The following ARID1B variants were observed in gnomAD, a reference collection of about 807,000 sequenced individuals.
ARID1B encodes the protein AT-rich interaction domain 1B, also known as AT-rich interactive domain-containing protein 1B.
In ARID1B, 30 loss-of-function variants were observed where a neutral mutation model predicts 212.3. That is an observed-to-expected ratio of 0.14 (90% confidence interval 0.11 to 0.19). ARID1B has a LOEUF of 0.19. Ranked by LOEUF, ARID1B falls within the 10% of genes least tolerant of loss-of-function variation. The pLI, the probability that ARID1B is intolerant of heterozygous loss-of-function variation, is 1.00. For missense variants in ARID1B, 2,891 were observed against 3,204.0 expected (o/e 0.90, Z 2.36); for synonymous variants, 1,402 against 1,301.7 (o/e 1.08, Z -1.66).
intron 6 of ARID1B, among the ~76,000 whole-genome samples, chr6:157,112,015 C>A (rs1786961828): frequency 6.6e-6 from 1 of 152,092 alleles, no homozygotes; most frequent in African/African-American, 2.4e-5. Context: ...CCTTGAGAAC[C>A]ACTGCCTTCT....
intron 2 of ARID1B, among the ~76,000 whole-genome samples, chr6:156,895,552 G>A (rs1188736329): frequency 6.6e-6 from 1 of 152,190 alleles, no homozygotes; most frequent in Non-Finnish European, 1.5e-5. Context: ...GTCCCCTCCT[G>A]CCTTGTGTGG....
intron 1 of ARID1B, 141 bp from the exon 2 acceptor site, chr6:156,829,086 A>T: frequency 3.1e-6 from 2 of 654,248 alleles, no homozygotes; most frequent in Non-Finnish European, 5.0e-6. Flanking sequence ...GTCTTGCTGG[A>T]TGTTTTGTCA....
intron 1 of ARID1B, among the ~76,000 whole-genome samples, chr6:156,800,876 T>TA (rs1780732286): frequency 1.3e-5 from 2 of 152,022 alleles, no homozygotes; most frequent in African/African-American, 4.8e-5. Context: ...GCCTGGGAGA[T>TA]AGAGAAAGAC....
chr6:157,043,356 G>A (rs753947653), intron 4 of ARID1B, among the ~76,000 whole-genome samples: 3 of 151,910 alleles, frequency 2.0e-5, no homozygotes, highest in Non-Finnish European at 2.9e-5. Context: ...CGGCATGGGC[G>A]CCTTCTGAGC....
chr6:156,973,526 A>G (rs1008286242), intron 4 of ARID1B, among the ~76,000 whole-genome samples: 2 of 152,232 alleles, frequency 1.3e-5, no homozygotes, highest in African/African-American at 2.4e-5. Context: ...CTGCTATGCA[A>G]TGAAAAACAT....
At position 157,084,564 on chromosome 6, in the gene ARID1B, C is replaced by T. The variant is rs1011203905; in HGVS notation, c.2248-98C>T. 2.8e-6 allele frequency: 4 copies of T among 1,451,846 alleles called. No homozygotes were observed. The African/African-American group carries it at 5.7e-5, about 21-fold the overall frequency. The allele number at this position is 1,451,846 out of a possible 1,614,324, so 89.9% of individuals were successfully genotyped here. On this transcript the variant is annotated intron_variant, in intron 4 of 19. Coordinates refer to ENST00000636930, the MANE Select transcript of ARID1B (RefSeq NM_001374828.1). ...TTTTGGGTGTTACCCAGAAAACCTT[C>T]ATCTCTGAAGGGGACGTCATTATGA...
intron 13 of ARID1B, among the ~76,000 whole-genome samples, chr6:157,187,977 C>G (rs1252555504): frequency 6.6e-6 from 1 of 152,160 alleles, no homozygotes; most frequent in African/African-American, 2.4e-5. Context: ...GATTATTACC[C>G]TTTTATATCT....
intron 4 of ARID1B, among the ~76,000 whole-genome samples, chr6:157,053,622 A>C (rs1431791880): frequency 6.6e-6 from 1 of 152,226 alleles, no homozygotes; most frequent in African/African-American, 2.4e-5. Context: ...TGAATGTAGA[A>C]ATGATTCCCT....
intron 2 of ARID1B, chr6:156,870,069 G>A (rs1786001841): frequency 6.6e-6 from 1 of 152,272 alleles, no homozygotes; most frequent in African/African-American, 2.4e-5. Flanking sequence ...TTGCCAGGGA[G>A]TAGCCATTCC....
At chr6:156,932,145 A>AAGGGGGGGGGGG (rs796243149) in intron 3 of ARID1B, among the ~76,000 whole-genome samples, 1 of 61,350 alleles carries the variant, frequency 1.6e-5, no homozygotes, top group African/African-American at 6.4e-5. Flanking sequence ...AAAAAAAAAA[A>AAGGGGGGGGGGG]GGGGGGGGGC....
intron 4 of ARID1B, 30 bp from the exon 5 acceptor site, chr6:157,084,632 A>C (rs370903426): frequency 1.7e-4 from 269 of 1,602,734 alleles, no homozygotes; most frequent in Non-Finnish European, 2.2e-4. Context: ...CAAACGTGTC[A>C]CTCTATAAAT....
At chr6:156,981,198 A>G (rs150947267) in intron 4 of ARID1B, among the ~76,000 whole-genome samples, 13 of 152,358 alleles carry the variant, frequency 8.5e-5, no homozygotes, top group South Asian at 2.1e-4. Flanking sequence ...CCAGGTCCAC[A>G]TGACCTGTGG....
chr6:156,926,902 G>A (rs1346258734), intron 3 of ARID1B, among the ~76,000 whole-genome samples: 1 of 152,094 alleles, frequency 6.6e-6, no homozygotes, highest in East Asian at 1.9e-4. Flanking sequence ...GGCTGGGCTC[G>A]AACTCCTGAC....
intron 5 of ARID1B, among the ~76,000 whole-genome samples, chr6:157,105,899 C>T (rs1004130315): frequency 1.3e-5 from 2 of 152,096 alleles, no homozygotes; most frequent in Non-Finnish European, 2.9e-5. Context: ...CGTACCTGGC[C>T]AAGACTGGTA....
intron 8 of ARID1B, among the ~76,000 whole-genome samples, chr6:157,165,399 A>G (rs943968088): frequency 2.0e-5 from 3 of 152,196 alleles, no homozygotes; most frequent in African/African-American, 7.2e-5. Context: ...GGTACATTAG[A>G]TTGTACAGAA....
At chr6:157,116,959 A>G (rs1386524909) in intron 6 of ARID1B, among the ~76,000 whole-genome samples, 1 of 152,230 alleles carries the variant, frequency 6.6e-6, no homozygotes, top group Non-Finnish European at 1.5e-5. Context: ...GAGAAAATAG[A>G]TAACAAAATT....
chr6:156,897,106 A>C (rs1475247800), intron 2 of ARID1B, among the ~76,000 whole-genome samples: 1 of 151,652 alleles, frequency 6.6e-6, no homozygotes, highest in Admixed American at 6.6e-5. Context: ...TTTAGCTATA[A>C]ATTTTTTGTT....
At chr6:157,032,452 G>A (rs993368292) in intron 4 of ARID1B, among the ~76,000 whole-genome samples, 1 of 152,028 alleles carries the variant, frequency 6.6e-6, no homozygotes, top group African/African-American at 2.4e-5. Context: ...TCTTTCTAGC[G>A]GCTTGATTGC....
intron 1 of ARID1B, among the ~76,000 whole-genome samples, chr6:156,823,541 C>G (rs1245126360): frequency 6.6e-6 from 1 of 152,066 alleles, no homozygotes; most frequent in Non-Finnish European, 1.5e-5. Flanking sequence ...CAAAAGTTTT[C>G]TTTAGTTACT....
Sources: allele counts gnomAD v4.1 joint callset (sites outside exome capture counted in the v4.1 genomes callset), GRCh38; gene constraint gnomAD v4.1.1; transcripts MANE v1.5; gene names NCBI Gene and HGNC (gene_info 2026-07-23, HGNC 2026-07-21).